The following NIBAN1 variants were observed in gnomAD, a reference collection of about 807,000 sequenced individuals.
NIBAN1 encodes the protein protein Niban 1.
NIBAN1 carries 81 observed loss-of-function variants against 75.1 expected under a neutral mutation model. The observed-to-expected ratio is 1.08, with a 90% CI of 0.90 to 1.30. NIBAN1 has a LOEUF of 1.30. Among genes scored for constraint, NIBAN1 ranks in the 50% most tolerant of loss-of-function variants. NIBAN1 has a pLI of 0.00. For missense variants in NIBAN1, 1,133 were observed against 1,128.1 expected (o/e 1.00, Z -0.06); for synonymous variants, 436 against 424.8 (o/e 1.03, Z -0.32).
chr1:184,965,487 T>C (rs1557934036), intron 1 of NIBAN1, among the ~76,000 whole-genome samples: 1 of 152,206 alleles, frequency 6.6e-6, no homozygotes, highest in Admixed American at 6.5e-5. Context: ...TGCAGTCCTT[T>C]GCAGGAACAT....
chr1:184,818,446 G>A (rs1452319663), intron 9 of NIBAN1, among the ~76,000 whole-genome samples, 192 bp downstream of exon 9: 1 of 152,078 alleles, frequency 6.6e-6, no homozygotes, highest in African/African-American at 2.4e-5. Flanking sequence ...TATCAGATGG[G>A]TGGATGGATG....
At chr1:184,845,830 G>C (rs1403791711) in intron 5 of NIBAN1, among the ~76,000 whole-genome samples, 1 of 83,484 alleles carries the variant, frequency 1.2e-5, no homozygotes, top group Non-Finnish European at 2.4e-5. Context: ...AGGGGTCAGG[G>C]AGTTCCCTTT....
At position 184,968,135 on chromosome 1, in the gene NIBAN1, G is replaced by A. The variant is rs2102091684; in HGVS notation, c.55+6167C>T. Reference sequence around the variant, plus strand: ...GGAGAATGGCGTGAACCCGGGAAGCGGAGCTTGCAGTGAGCCGAGATTGCG... The same window carrying A: ...GGAGAATGGCGTGAACCCGGGAAGCAGAGCTTGCAGTGAGCCGAGATTGCG... On this transcript the variant is annotated intron_variant, in intron 1 of 13. Coordinates refer to ENST00000367511, the MANE Select transcript of NIBAN1 (RefSeq NM_052966.4). Among the ~76,000 whole-genome samples the A allele has an allele frequency of 1.1e-4, 2 of 17,560 alleles. 1 individual carries two copies. The highest frequency in any genetic ancestry group is 1.4e-3 in the East Asian group (2 of 1,450). The allele number at this position is 17,560 out of a possible 152,430, so 11.5% of individuals were successfully genotyped here.
At chr1:184,801,523 TC>T (rs1165010933) in intron 12 of NIBAN1, among the ~76,000 whole-genome samples, 1 of 151,902 alleles carries the variant, frequency 6.6e-6, no homozygotes, top group Non-Finnish European at 1.5e-5. Context: ...TCCCACGTGG[TC>T]CCCCATTCCT....
At chr1:184,882,128 G>A (rs890860053) in intron 5 of NIBAN1, among the ~76,000 whole-genome samples, 17 of 152,230 alleles carry the variant, frequency 1.1e-4, no homozygotes, top group Middle Eastern at 6.8e-3. Flanking sequence ...ATCTGCATGC[G>A]GGTAGAGGAT....
Position 184,823,197 on chromosome 1 carries a change from A to G in NIBAN1, c.955T>C (p.Ser319Pro). Reference protein sequence around the residue: ...IRSDMDQIVNSKNYLIGKIKA... With the variant: ...IRSDMDQIVNPKNYLIGKIKA... Reference sequence around the variant, plus strand: ...ATCTTTCCAATTAAATAGTTCTTTGAGTTCACAATCTGATCCATGTCAGAA... The same window carrying G: ...ATCTTTCCAATTAAATAGTTCTTTGGGTTCACAATCTGATCCATGTCAGAA... The change falls in exon 8 of 14, where the codon TCA becomes CCA. Residue 319 changes from serine to proline, a missense_variant. Ser to Pro is a moderately conservative substitution (Grantham distance 74). Transcript: ENST00000367511. 6.2e-7 allele frequency: 1 copy of G among 1,614,208 alleles called. No individual in the cohort carries two copies. The highest frequency in any genetic ancestry group is 8.5e-7 in the Non-Finnish European group (1 of 1,180,020).
chr1:184,859,380 A>G (rs1055050563), intron 5 of NIBAN1, among the ~76,000 whole-genome samples: 3 of 152,134 alleles, frequency 2.0e-5, no homozygotes, highest in African/African-American at 4.8e-5. Context: ...CATTTCTTCC[A>G]TGTGATCCTG....
chr1:184,868,834 G>A (rs913100290), intron 5 of NIBAN1, among the ~76,000 whole-genome samples: 5 of 152,118 alleles, frequency 3.3e-5, no homozygotes, highest in Non-Finnish European at 7.4e-5. Context: ...TTTAGAACAC[G>A]GGCTTGAAGT....
chr1:184,882,982 T>C (rs1206123679), intron 5 of NIBAN1, among the ~76,000 whole-genome samples: 1 of 152,218 alleles, frequency 6.6e-6, no homozygotes, highest in Non-Finnish European at 1.5e-5. Flanking sequence ...ATGATGAATG[T>C]TACTCAGGGT....
At chr1:184,867,829 T>C (rs1329135211) in intron 5 of NIBAN1, 3 of 983,512 alleles carry the variant, frequency 3.1e-6, no homozygotes, top group Non-Finnish European at 2.4e-6. Context: ...GCCCCCAGCA[T>C]CTAAGACAAT....
chr1:184,954,593 T>A (rs1658436457), intron 1 of NIBAN1, among the ~76,000 whole-genome samples: 1 of 152,210 alleles, frequency 6.6e-6, no homozygotes, highest in Non-Finnish European at 1.5e-5. Flanking sequence ...CAAATTATAC[T>A]TAAGTTTTAA....
At chr1:184,917,280 T>C (rs1571571946) in intron 1 of NIBAN1, among the ~76,000 whole-genome samples, 3 of 151,138 alleles carry the variant, frequency 2.0e-5, no homozygotes, top group African/African-American at 4.9e-5. Flanking sequence ...TCTCAGCTCA[T>C]TGCAAGCTCC....
At chr1:184,886,648 C>CT (rs1656533994) in intron 4 of NIBAN1, among the ~76,000 whole-genome samples, 1 of 152,144 alleles carries the variant, frequency 6.6e-6, no homozygotes, top group Non-Finnish European at 1.5e-5. Context: ...TGAGTTCCAA[C>CT]TTTTTCCAGA....
At chr1:184,853,268 TA>T (rs1318491653) in intron 5 of NIBAN1, among the ~76,000 whole-genome samples, 1 of 152,326 alleles carries the variant, frequency 6.6e-6, no homozygotes, top group Admixed American at 6.5e-5. Context: ...GTAAGGTCAT[TA>T]AGTGATTCTA....
chr1:184,905,847 T>G (rs1306804332), intron 1 of NIBAN1, among the ~76,000 whole-genome samples: 1 of 152,078 alleles, frequency 6.6e-6, no homozygotes, highest in South Asian at 2.1e-4. Context: ...TATTCAAGAG[T>G]AAACCAAATT....
chr1:184,822,051 T>C (rs1654716735), intron 8 of NIBAN1, among the ~76,000 whole-genome samples: 1 of 152,128 alleles, frequency 6.6e-6, no homozygotes, highest in Non-Finnish European at 1.5e-5. Context: ...AATAGGGTGT[T>C]CCTCGGTCAC....
At chr1:184,885,041 C>T (rs1656487006) in intron 4 of NIBAN1, among the ~76,000 whole-genome samples, 2 of 152,046 alleles carry the variant, frequency 1.3e-5, no homozygotes, top group African/African-American at 4.8e-5. Flanking sequence ...GTGAGGATAC[C>T]AGGAACACAA....
chr1:184,949,868 T>G (rs1658317980), intron 1 of NIBAN1, among the ~76,000 whole-genome samples: 1 of 152,160 alleles, frequency 6.6e-6, no homozygotes, highest in South Asian at 2.1e-4. Context: ...CAGAAAATTA[T>G]GCAGTACTGG....
chr1:184,963,322 T>C (rs1424182661), intron 1 of NIBAN1, among the ~76,000 whole-genome samples: 1 of 152,096 alleles, frequency 6.6e-6, no homozygotes, highest in Admixed American at 6.5e-5. Context: ...AAATCTATGG[T>C]TAACATCACA....
Sources: gnomAD v4.1 joint callset for allele counts (sites outside exome capture counted in the v4.1 genomes callset) on GRCh38, gnomAD v4.1.1 for gene constraint, MANE v1.5 for transcripts, NCBI Gene and HGNC (gene_info 2026-07-23, HGNC 2026-07-21) for gene names.